The following TTLL11 variants were observed in gnomAD, a reference collection of about 807,000 sequenced individuals.
TTLL11 encodes the protein tubulin polyglutamylase TTLL11.
Under a neutral mutation model 51.7 loss-of-function variants are expected in TTLL11, and 42 were observed. The observed-to-expected ratio is 0.81, with a 90% CI of 0.64 to 1.05. The LOEUF is 1.05. TTLL11 is among the 50% of genes least tolerant of loss of function. The pLI, the probability that TTLL11 is intolerant of heterozygous loss-of-function variation, is 0.00. For synonymous variants in TTLL11, 381 were observed against 383.5 expected, an observed-to-expected ratio of 0.99 and a Z score of 0.08; for missense variants, 799 against 940.4, an observed-to-expected ratio of 0.85 and a Z score of 1.97.
intron 3 of TTLL11, among the ~76,000 whole-genome samples, chr9:122,003,530 G>A (rs1390037801): frequency 7.0e-6 from 1 of 143,692 alleles, no homozygotes; most frequent in Non-Finnish European, 1.5e-5. Context: ...TGTCGCCTAG[G>A]CTATAGTGCA....
chr9:121,961,305 A>G (rs1204486383), intron 6 of TTLL11, among the ~76,000 whole-genome samples: 1 of 152,138 alleles, frequency 6.6e-6, no homozygotes, highest in African/African-American at 2.4e-5. Flanking sequence ...CAGATTGGAT[A>G]TTTTCCATGT....
At chr9:121,844,465 A>G (rs917309189) in intron 8 of TTLL11, among the ~76,000 whole-genome samples, 3 of 152,224 alleles carry the variant, frequency 2.0e-5, no homozygotes, top group African/African-American at 7.2e-5. Context: ...GCTGGCTTTC[A>G]ACAAAACATT....
chr9:121,917,744 T>C (rs1564304130), intron 6 of TTLL11, among the ~76,000 whole-genome samples: 1 of 151,730 alleles, frequency 6.6e-6, no homozygotes. Flanking sequence ...CAGCACCCAG[T>C]GGCGCAAGCA....
rs527476226 is a variant in TTLL11, at chr9:121,934,140, G to A, written c.1481+39869C>T. On this transcript the variant is annotated intron_variant, in intron 6 of 8. Coordinates refer to ENST00000321582, the MANE Select transcript of TTLL11 (RefSeq NM_001139442.2). ...CCCAGCTACTTGGGAGGCTGAGGCAGGAGAATTGCTTGAACCCGGGAGGTG... is the reference window on the plus strand; with the variant it reads ...CCCAGCTACTTGGGAGGCTGAGGCAAGAGAATTGCTTGAACCCGGGAGGTG... Among the ~76,000 whole-genome samples, 14 of 152,190 alleles carry A rather than the reference G, an allele frequency of 9.2e-5. No individual in the cohort carries two copies. In the East Asian group the frequency reaches 2.7e-3, roughly 29 times the overall value.
intron 6 of TTLL11, among the ~76,000 whole-genome samples, chr9:121,944,740 C>A (rs939414338): frequency 2.2e-4 from 33 of 152,144 alleles, no homozygotes; most frequent in Admixed American, 1.8e-3. Context: ...CATAGGCCAG[C>A]CCCAGGTTGA....
intron 3 of TTLL11, among the ~76,000 whole-genome samples, chr9:121,991,533 T>G (rs1167103774): frequency 6.6e-6 from 1 of 152,224 alleles, no homozygotes; most frequent in Non-Finnish European, 1.5e-5. Context: ...ATGGCAGTTA[T>G]GGACCAGGAA....
At chr9:122,082,053 G>C (rs568650715) in intron 1 of TTLL11, among the ~76,000 whole-genome samples, 1 of 152,344 alleles carries the variant, frequency 6.6e-6, no homozygotes, top group African/African-American at 2.4e-5. Context: ...AAGATGAATA[G>C]TATACAGTAT....
intron 8 of TTLL11, among the ~76,000 whole-genome samples, chr9:121,839,292 C>T (rs530193032): frequency 9.2e-5 from 14 of 152,354 alleles, no homozygotes; most frequent in Admixed American, 4.6e-4. Context: ...GTCCCCATCA[C>T]CCCCAGTGCC....
intron 5 of TTLL11, among the ~76,000 whole-genome samples, chr9:121,974,492 G>A (rs1300310696): frequency 6.6e-6 from 1 of 151,858 alleles, no homozygotes; most frequent in Non-Finnish European, 1.5e-5. Context: ...TTTGGGGGAG[G>A]GGGAGAAAAA....
rs575504379 is a variant in TTLL11, at chr9:121,913,614, G to C, written c.1482-42866C>G. Among the ~76,000 whole-genome samples, 28 of 152,260 alleles carry C rather than the reference G, an allele frequency of 1.8e-4. No homozygotes were observed. In the East Asian group the frequency reaches 3.7e-3, roughly 20 times the overall value. On this transcript the variant is annotated intron_variant, in intron 6 of 8. Transcript: ENST00000321582. The stretch of plus-strand genomic sequence containing the variant: ...AAGGATATTTCTAATCCCCAGACAG[G>C]CTCAACATCTGTCTAGGACTGTGTT...
rs930867338 is a variant in TTLL11, at chr9:121,995,387, G to A, written c.694-5617C>T. Among the ~76,000 whole-genome samples the A allele has an allele frequency of 2.6e-5, 4 of 152,176 alleles. No homozygotes were observed. Among genetic ancestry groups the A allele is most frequent in the Non-Finnish European group, 5.9e-5 (4 of 68,040 alleles). ...ATGAAACCAGGTGTAGGAAGGACCCGAGGCTATCAAAGGTCCAAAGGCCTG... is the reference window on the plus strand; with the variant it reads ...ATGAAACCAGGTGTAGGAAGGACCCAAGGCTATCAAAGGTCCAAAGGCCTG... On this transcript the variant is annotated intron_variant, in intron 3 of 8. Coordinates refer to ENST00000321582, the MANE Select transcript of TTLL11 (RefSeq NM_001139442.2). The surrounding 1 kb of genome is among the most constrained non-coding windows in gnomAD (Gnocchi z 4.4).
At chr9:121,900,172 C>A (rs748444105) in intron 6 of TTLL11, among the ~76,000 whole-genome samples, 4 of 152,202 alleles carry the variant, frequency 2.6e-5, no homozygotes, top group Non-Finnish European at 5.9e-5. Context: ...TTAACTAGAG[C>A]ATCTTGCCTT....
intron 6 of TTLL11, among the ~76,000 whole-genome samples, chr9:121,925,134 C>T (rs938156728): frequency 6.6e-6 from 1 of 152,118 alleles, no homozygotes; most frequent in African/African-American, 2.4e-5. Context: ...CTAATGTCAC[C>T]GGCAGAATTG....
chr9:122,011,650 A>T (rs1843794499), intron 3 of TTLL11, among the ~76,000 whole-genome samples: 1 of 152,232 alleles, frequency 6.6e-6, no homozygotes, highest in Admixed American at 6.5e-5. Flanking sequence ...ACATATAGGA[A>T]CATCATGTAT....
In TTLL11 at chr9:122,093,259, G is replaced by A. The variant is rs757594387; in HGVS notation, c.-111C>T. ...CTGCAGCCGCTGCCACGCGTTCCCC[G>A]CCCGAGCCCGTTGCCATGATCGCTC... On this transcript the variant is annotated 5_prime_UTR_variant, in exon 1 of 9. Transcript: ENST00000321582. 4 of 1,528,400 alleles carry A rather than the reference G, an allele frequency of 2.6e-6. No individual in the cohort carries two copies. In the African/African-American group the frequency reaches 4.3e-5, roughly 16 times the overall value. The allele number at this position is 1,528,400 out of a possible 1,614,324, so 94.7% of individuals were successfully genotyped here.
intron 3 of TTLL11, among the ~76,000 whole-genome samples, chr9:122,009,287 G>T (rs1356806594): frequency 1.3e-5 from 2 of 151,904 alleles, no homozygotes; most frequent in Non-Finnish European, 2.9e-5. Context: ...ACAACATGTT[G>T]TACATGATAA....
intron 6 of TTLL11, among the ~76,000 whole-genome samples, chr9:121,895,405 TGTGTGTGCATGAGTGTGCGCTGC>T (rs1839428594): frequency 6.6e-6 from 1 of 151,772 alleles, no homozygotes; most frequent in African/African-American, 2.4e-5. Context: ...TTTGTGTGAC[TGTGTGTGCATGAGTGTGCGCTGC>T]GTGTGTGTCT....
rs1836556552 is a variant in TTLL11 at position 121,820,860 on chromosome 9, A to C, written c.*1727T>G. ...TCTGCTGTCACTCACTGAACACCCCAGAGTGGGCTCTGCAGGGCTCAGTTC... is the reference window on the plus strand; with the variant it reads ...TCTGCTGTCACTCACTGAACACCCCCGAGTGGGCTCTGCAGGGCTCAGTTC... On this transcript the variant is annotated 3_prime_UTR_variant, in exon 9 of 9. Coordinates refer to ENST00000321582, the MANE Select transcript of TTLL11 (RefSeq NM_001139442.2). Among the ~76,000 whole-genome samples, 3 of 151,674 alleles carry C rather than the reference A, an allele frequency of 2.0e-5. No individual in the cohort carries two copies. The highest frequency in any genetic ancestry group is 4.4e-5 in the Non-Finnish European group (3 of 67,916).
At chr9:121,849,237 C>A (rs10985420) in intron 8 of TTLL11, among the ~76,000 whole-genome samples, 1 of 152,030 alleles carries the variant, frequency 6.6e-6, no homozygotes, top group East Asian at 1.9e-4. Context: ...AGAACTTACA[C>A]CTTTCACAAA....
Sources: allele counts gnomAD v4.1 joint callset (sites outside exome capture counted in the v4.1 genomes callset), GRCh38; gene constraint gnomAD v4.1.1; non-coding constraint Gnocchi (gnomAD v3.1); transcripts MANE v1.5; gene names NCBI Gene and HGNC (gene_info 2026-07-23, HGNC 2026-07-21).